The following TBC1D5 variants were observed in gnomAD, a reference collection of about 807,000 sequenced individuals.
The protein encoded by TBC1D5 is TBC1 domain family member 5, also known as TBC1 domain family, member 5.
TBC1D5 carries 75 observed loss-of-function variants against 100.3 expected under a neutral mutation model. That is an observed-to-expected ratio of 0.75 (90% CI 0.62 to 0.91). The LOEUF (loss-of-function observed/expected upper bound fraction) is 0.91, where lower values mean the gene tolerates loss of function less well. Among genes scored for constraint, TBC1D5 ranks in the 40% least tolerant of loss-of-function variants. The pLI, the probability that TBC1D5 is intolerant of heterozygous loss-of-function variation, is 0.00. For synonymous variants in TBC1D5, 323 were observed against 325.6 expected, an observed-to-expected ratio of 0.99 and a Z score of 0.09; for missense variants, 910 against 942.4, an observed-to-expected ratio of 0.97 and a Z score of 0.45.
At position 17,477,539 on chromosome 3, in the gene TBC1D5, C is replaced by T. The variant is rs553024319; in HGVS notation, c.97+30935G>A. Among the ~76,000 whole-genome samples the T allele has an allele frequency of 1.3e-4, 20 of 152,050 alleles. No individual in the cohort carries two copies. The East Asian group carries it at 2.9e-3, about 22-fold the overall frequency. On this transcript the variant is annotated intron_variant, in intron 3 of 21. Coordinates refer to ENST00000253692, the Ensembl canonical transcript of TBC1D5. ...CATTACATCAATGGTTATAGTATCA[C>T]GCAGAAACTTATCTCTTCTTTTATA...
intron 4 of TBC1D5, among the ~76,000 whole-genome samples, chr3:17,416,255 G>A (rs2094067169): frequency 6.6e-6 from 1 of 152,148 alleles, no homozygotes; most frequent in South Asian, 2.1e-4. Flanking sequence ...TGACAGAAAT[G>A]TTCTACATCT....
At chr3:17,457,624 C>T (rs918033834) in intron 3 of TBC1D5, among the ~76,000 whole-genome samples, 8 of 152,194 alleles carry the variant, frequency 5.3e-5, no homozygotes, top group African/African-American at 4.8e-5. Context: ...TTTAAGAATA[C>T]TTATGGGACA....
At chr3:17,325,709 G>A (rs780530280) in intron 13 of TBC1D5, among the ~76,000 whole-genome samples, 2 of 152,128 alleles carry the variant, frequency 1.3e-5, no homozygotes, top group Non-Finnish European at 2.9e-5. Context: ...TTCTGGAAAT[G>A]GTAAAACTAT....
At chr3:17,724,643 A>G (rs2075976736) in intron 1 of TBC1D5, among the ~76,000 whole-genome samples, 1 of 152,144 alleles carries the variant, frequency 6.6e-6, no homozygotes, top group African/African-American at 2.4e-5. Context: ...CAAATTTGTC[A>G]TGGTGCTTTT....
At chr3:17,671,764 T>C (rs2067972585) in intron 1 of TBC1D5, among the ~76,000 whole-genome samples, 1 of 152,160 alleles carries the variant, frequency 6.6e-6, no homozygotes, top group Non-Finnish European at 1.5e-5. Context: ...AAAAATTACA[T>C]CCTAAATCTA....
At chr3:17,184,900 G>T (rs986102091) in intron 19 of TBC1D5, 1 of 314,208 alleles carries the variant, frequency 3.2e-6, no homozygotes, top group Non-Finnish European at 5.9e-6. Flanking sequence ...TATAATCTTG[G>T]GGCATTTTCT....
At position 17,281,067 on chromosome 3, in the gene TBC1D5, G is replaced by T. The variant is rs528977663; in HGVS notation, c.1245+10828C>A. ...GTTTGCCTCTGCCGGTGCCAAAGCA[G>T]CCAGCTAGCTCCAGAGAGGGCACAC... is the stretch of plus-strand genomic sequence containing the variant. On this transcript the variant is annotated intron_variant, in intron 15 of 21. Coordinates refer to ENST00000253692, the Ensembl canonical transcript of TBC1D5. 3.1e-4 allele frequency among the ~76,000 whole-genome samples: 47 copies of T among 152,326 alleles called. No homozygotes were observed. The East Asian group carries it at 9.1e-3, about 29-fold the overall frequency.
At chr3:17,335,041 C>A (rs1258687081) in intron 13 of TBC1D5, among the ~76,000 whole-genome samples, 1 of 152,014 alleles carries the variant, frequency 6.6e-6, no homozygotes, top group Non-Finnish European at 1.5e-5. Flanking sequence ...TTGGCCTAAG[C>A]CTTAAAATCT....
rs60889092 is a variant in TBC1D5, at chr3:17,591,233, C to CAAAAAAAAAAA, written c.-36+32605_-36+32615dup. On this transcript the variant is annotated intron_variant, in intron 2 of 21. Transcript: ENST00000253692. Reference sequence around the variant, plus strand: ...ACTGGGCTACAAAGAAAGGATCTGTCAAAAAAAAAAAAAAAAAAAAAAAAA... The same window carrying CAAAAAAAAAAA: ...ACTGGGCTACAAAGAAAGGATCTGTCAAAAAAAAAAAAAAAAAAAAAAAAAAAAAAAAAAAA... Among the ~76,000 whole-genome samples, 155 of 18,632 alleles carry CAAAAAAAAAAA rather than the reference C, an allele frequency of 8.3e-3. 19 individuals are homozygous for CAAAAAAAAAAA. Among genetic ancestry groups the CAAAAAAAAAAA allele is most frequent in the East Asian group, 0.02 (10 of 494 alleles). 12.2% of individuals were successfully genotyped at this position (18,632 alleles called of 152,430 possible). A position where few individuals can be genotyped will look rare whatever the true frequency, so the allele number is the denominator to read the frequency against.
chr3:17,339,526 C>T (rs905005131), intron 13 of TBC1D5, among the ~76,000 whole-genome samples: 2 of 152,188 alleles, frequency 1.3e-5, no homozygotes, highest in Non-Finnish European at 1.5e-5. Context: ...TTTAAACAAA[C>T]TAACTGAAGA....
At chr3:17,225,502 T>A (rs151027683) in intron 17 of TBC1D5, among the ~76,000 whole-genome samples, 1,409 of 129,646 alleles carry the variant, frequency 0.011, 20 homozygotes, top group Non-Finnish European at 0.011. Context: ...ATAGTACAAA[T>A]AAAAATACAG....
At chr3:17,388,685 CAAAAAA>C (rs60539576) in intron 8 of TBC1D5, among the ~76,000 whole-genome samples, 9 of 108,004 alleles carry the variant, frequency 8.3e-5, no homozygotes, top group Non-Finnish European at 1.4e-4. Context: ...CCTGCCTTTA[CAAAAAA>C]AAAAAAAAAA....
At chr3:17,573,297 T>C (rs931145542) in intron 2 of TBC1D5, among the ~76,000 whole-genome samples, 3 of 152,084 alleles carry the variant, frequency 2.0e-5, no homozygotes, top group African/African-American at 7.2e-5. Flanking sequence ...CCTCTGACTC[T>C]GACTTAATTT....
At chr3:17,374,718 T>G in intron 10 of TBC1D5, 39 bp from the exon 11 acceptor site, 1 of 1,598,680 alleles carries the variant, frequency 6.3e-7, no homozygotes. Context: ...TGTGTAATTT[T>G]TGAATAATTA....
Position 17,705,354 on chromosome 3 carries a change from C to A in TBC1D5, c.-101+33989G>T, listed in dbSNP as rs766610670. On this transcript the variant is annotated intron_variant, in intron 1 of 21. Transcript: ENST00000253692. ...TGGCCGGGCTGGGGGCTGACCCCCC[C>A]CCACCTCCCTCCCGGACGGGGTGGC... Among the ~76,000 whole-genome samples the A allele has an allele frequency of 4.1e-5, 5 of 121,638 alleles. 2 individuals are homozygous for A. Among genetic ancestry groups the A allele is most frequent in the African/African-American group, 5.7e-5 (2 of 34,918 alleles). The allele number at this position is 121,638 out of a possible 152,430, so 79.8% of individuals were successfully genotyped here.
intron 16 of TBC1D5, among the ~76,000 whole-genome samples, chr3:17,251,138 A>G (rs34039136): frequency 3.9e-4 from 59 of 152,210 alleles, no homozygotes; most frequent in Non-Finnish European, 6.5e-4. Flanking sequence ...TTCCACTTCT[A>G]TATGGAGCCC....
chr3:17,572,605 C>G (rs538809871), intron 2 of TBC1D5, among the ~76,000 whole-genome samples: 29 of 152,074 alleles, frequency 1.9e-4, no homozygotes, highest in African/African-American at 5.8e-4. Context: ...GCTTCATGTC[C>G]CATTTATATA....
intron 1 of TBC1D5, among the ~76,000 whole-genome samples, chr3:17,636,399 T>C (rs949456660): frequency 6.6e-6 from 1 of 152,138 alleles, no homozygotes; most frequent in African/African-American, 2.4e-5. Context: ...TGCAATGAAC[T>C]AGTAAGTTGT....
At chr3:17,395,807 TAA>T (rs2093488032) in intron 8 of TBC1D5, among the ~76,000 whole-genome samples, 1 of 152,184 alleles carries the variant, frequency 6.6e-6, no homozygotes, top group Non-Finnish European at 1.5e-5. Context: ...GAAAAAAATT[TAA>T]GTTTTTAAAA....
Sources: allele counts gnomAD v4.1 joint callset (sites outside exome capture counted in the v4.1 genomes callset), GRCh38; gene constraint gnomAD v4.1.1; transcripts MANE v1.5; gene names NCBI Gene and HGNC (gene_info 2026-07-23, HGNC 2026-07-21).